PLCB1: variants seen among roughly 807,000 people sequenced by gnomAD.
PLCB1 encodes phospholipase C beta 1, also known as 1-phosphatidylinositol 4,5-bisphosphate phosphodiesterase beta-1.
In PLCB1, 46 loss-of-function variants were observed where a neutral mutation model predicts 161.8. That is an observed-to-expected ratio of 0.28 (90% CI 0.22 to 0.36). PLCB1 has a LOEUF of 0.36. Among genes scored for constraint, PLCB1 ranks in the 10% least tolerant of loss-of-function variants. PLCB1 has a pLI of 1.00. For missense variants in PLCB1, 1,016 were observed against 1,472.5 expected, an observed-to-expected ratio of 0.69 and a Z score of 5.07; for synonymous variants, 517 against 503.7, an observed-to-expected ratio of 1.03 and a Z score of -0.35.
chr20:8,853,326 T>A (rs147712122), intron 31 of PLCB1, among the ~76,000 whole-genome samples: 2 of 152,284 alleles, frequency 1.3e-5, no homozygotes, highest in African/African-American at 4.8e-5. Flanking sequence ...TGTGTCAAGA[T>A]ACAGAACATT....
chr20:8,858,526 G>T (rs549799755), intron 31 of PLCB1, among the ~76,000 whole-genome samples: 2 of 152,222 alleles, frequency 1.3e-5, no homozygotes, highest in Admixed American at 1.3e-4. Flanking sequence ...AGCAGTCCAA[G>T]TGAGATCCCT....
At chr20:8,779,469 T>A (rs1983100637) in intron 27 of PLCB1, among the ~76,000 whole-genome samples, 1 of 124,678 alleles carries the variant, frequency 8.0e-6, no homozygotes, top group Admixed American at 1.0e-4. Context: ...ATACGAGATG[T>A]AAAATGCACA....
chr20:8,186,018 T>C (rs1402108537), intron 2 of PLCB1, among the ~76,000 whole-genome samples: 3 of 152,222 alleles, frequency 2.0e-5, no homozygotes, highest in Non-Finnish European at 4.4e-5. Context: ...AGTATTCCAG[T>C]GTCCTCTGGA....
intron 31 of PLCB1, among the ~76,000 whole-genome samples, chr20:8,808,272 C>T (rs530711942): frequency 2.0e-5 from 3 of 152,282 alleles, no homozygotes; most frequent in Admixed American, 6.5e-5. Context: ...CCGCGAGATT[C>T]GTTTCTGGGG....
intron 3 of PLCB1, among the ~76,000 whole-genome samples, chr20:8,501,077 T>C (rs1983384229): frequency 1.3e-5 from 2 of 152,186 alleles, no homozygotes; most frequent in Non-Finnish European, 2.9e-5. Flanking sequence ...TACCAGGTCA[T>C]CATTTTTCGT....
chr20:8,381,512 G>A (rs1394653245), intron 3 of PLCB1, among the ~76,000 whole-genome samples: 2 of 152,168 alleles, frequency 1.3e-5, no homozygotes. Context: ...AGTTTCAGAA[G>A]GAATGGTACC....
chr20:8,710,393 C>A (rs1978934470), intron 12 of PLCB1, among the ~76,000 whole-genome samples: 1 of 151,824 alleles, frequency 6.6e-6, no homozygotes, highest in Non-Finnish European at 1.5e-5. Context: ...CCACTTCCAA[C>A]ATCGGGGGTT....
chr20:8,395,370 CT>C (rs1987740125), intron 3 of PLCB1, among the ~76,000 whole-genome samples: 1 of 151,852 alleles, frequency 6.6e-6, no homozygotes. Context: ...CATATTATTA[CT>C]TATGGATACC....
chr20:8,364,450 A>G (rs775534938), intron 2 of PLCB1, among the ~76,000 whole-genome samples: 3 of 152,206 alleles, frequency 2.0e-5, no homozygotes, highest in Non-Finnish European at 4.4e-5. Context: ...GCATGAGAGC[A>G]TGGAAGGTAA....
chr20:8,424,732 A>G (rs1387037954), intron 3 of PLCB1, among the ~76,000 whole-genome samples: 1 of 152,214 alleles, frequency 6.6e-6, no homozygotes, highest in African/African-American at 2.4e-5. Flanking sequence ...TCATGTTAAC[A>G]GTAGAGGGTG....
intron 2 of PLCB1, among the ~76,000 whole-genome samples, chr20:8,356,396 G>C (rs1986363365): frequency 6.6e-6 from 1 of 152,128 alleles, no homozygotes; most frequent in Non-Finnish European, 1.5e-5. Context: ...TGTGGGCCAG[G>C]AATTTGTGTT....
intron 2 of PLCB1, among the ~76,000 whole-genome samples, chr20:8,167,854 G>A (rs1291805232): frequency 6.6e-6 from 1 of 152,034 alleles, no homozygotes; most frequent in Non-Finnish European, 1.5e-5. Context: ...CCTTCTTTGG[G>A]TTAACAATCT....
At chr20:8,813,763 G>T (rs1984946343) in intron 31 of PLCB1, among the ~76,000 whole-genome samples, 1 of 152,182 alleles carries the variant, frequency 6.6e-6, no homozygotes, top group African/African-American at 2.4e-5. Flanking sequence ...CCCAGGAATT[G>T]CAGGCTGCAG....
chr20:8,488,007 T>C (rs2122767467), intron 3 of PLCB1, among the ~76,000 whole-genome samples: 1 of 152,298 alleles, frequency 6.6e-6, no homozygotes, highest in East Asian at 1.9e-4. Context: ...CAGGATAAAG[T>C]CATTAAATCT....
intron 16 of PLCB1, among the ~76,000 whole-genome samples, chr20:8,726,957 A>G (rs749149840): frequency 5.9e-5 from 9 of 152,066 alleles, no homozygotes; most frequent in Admixed American, 1.3e-4. Flanking sequence ...CCCTAAGAAA[A>G]AAATCTGGGT....
Position 8,392,182 on chromosome 20 carries a change from A to G in PLCB1, c.246+20732A>G, listed in dbSNP as rs1189275963. Among the ~76,000 whole-genome samples the G allele has an allele frequency of 2.6e-5, 4 of 152,112 alleles. No individual in the cohort carries two copies. In the East Asian group the frequency reaches 7.8e-4, roughly 30 times the overall value. ...ATTAGGCAATGAGAACTCCTCCCTC[A>G]TGAATGTGATTAAGGTCCTTATAAA... On this transcript the variant is annotated intron_variant, in intron 3 of 31. Transcript: ENST00000338037.
At chr20:8,209,938 A>G (rs762008922) in intron 2 of PLCB1, among the ~76,000 whole-genome samples, 1 of 152,098 alleles carries the variant, frequency 6.6e-6, no homozygotes, top group African/African-American at 2.4e-5. Context: ...GCTGGGCACA[A>G]GTGATCCTCC....
At chr20:8,816,539 C>CA (rs1985093524) in intron 31 of PLCB1, among the ~76,000 whole-genome samples, 2 of 152,088 alleles carry the variant, frequency 1.3e-5, no homozygotes, top group Non-Finnish European at 2.9e-5. Flanking sequence ...GAGAATAGAA[C>CA]AAAAACATGT....
At chr20:8,416,774 C>G (rs1382607514) in intron 3 of PLCB1, among the ~76,000 whole-genome samples, 2 of 151,982 alleles carry the variant, frequency 1.3e-5, no homozygotes, top group Non-Finnish European at 2.9e-5. Context: ...ATGAAGCAAA[C>G]AGAGCTGAGC....
Sources: gnomAD v4.1 joint callset for allele counts (sites outside exome capture counted in the v4.1 genomes callset) on GRCh38, gnomAD v4.1.1 for gene constraint, MANE v1.5 for transcripts, NCBI Gene and HGNC (gene_info 2026-07-23, HGNC 2026-07-21) for gene names.